Variants in PARP8 observed in about 807,000 individuals in gnomAD.
PARP8 encodes the protein poly(ADP-ribose) polymerase family member 8.
In PARP8, 51 loss-of-function variants were observed where a neutral mutation model predicts 124.1. The observed-to-expected ratio is 0.41, with a 90% CI of 0.33 to 0.52. The LOEUF (loss-of-function observed/expected upper bound fraction) is 0.52, where lower values mean the gene tolerates loss of function less well. PARP8 is among the 20% of genes least tolerant of loss of function. The pLI, the probability that PARP8 is intolerant of heterozygous loss-of-function variation, is 0.21. For synonymous variants in PARP8, 391 were observed against 361.5 expected (o/e 1.08, Z -0.93); for missense variants, 860 against 1,018.9 (o/e 0.84, Z 2.12).
chr5:50,740,470 G>A (rs1757932447), intron 2 of PARP8, among the ~76,000 whole-genome samples: 2 of 152,150 alleles, frequency 1.3e-5, no homozygotes, highest in African/African-American at 4.8e-5. Flanking sequence ...AGCACAGTGA[G>A]GCAAGACAAA....
intron 2 of PARP8, among the ~76,000 whole-genome samples, chr5:50,712,301 A>T (rs1754839639): frequency 6.6e-6 from 1 of 152,138 alleles, no homozygotes; most frequent in African/African-American, 2.4e-5. Context: ...ACTTCTGGGA[A>T]ATCTTCTGTT....
intron 2 of PARP8, among the ~76,000 whole-genome samples, chr5:50,723,508 G>C (rs761112732): frequency 3.9e-5 from 6 of 151,938 alleles, no homozygotes; most frequent in Non-Finnish European, 5.9e-5. Flanking sequence ...TTTTTTGTGT[G>C]TGGTTGATTT....
In PARP8 at chr5:50,795,131, C is replaced by T. The variant is rs771518246; in HGVS notation, c.1142C>T (p.Ser381Leu). Residue 381 changes from serine to leucine, a missense_variant, in exon 12 of 26, where the codon TCG (serine) becomes TTG (leucine). Physicochemically the swap from Ser to Leu is moderately radical, Grantham distance 145. Transcript: ENST00000281631. ...VKSEECLTLK[S>L]HRLLTRSCSG... ...TCAGAGGAATGCCTAACTCTAAAGT[C>T]GCATAGACTATTGACTCGATCTTGT... 8 of 1,614,034 alleles carry T rather than the reference C, an allele frequency of 5.0e-6. No homozygotes were observed. The highest frequency in any genetic ancestry group is 2.2e-5 in the South Asian group (2 of 91,080).
intron 2 of PARP8, among the ~76,000 whole-genome samples, chr5:50,731,804 G>A (rs1757002411): frequency 6.6e-6 from 1 of 152,042 alleles, no homozygotes; most frequent in African/African-American, 2.4e-5. Flanking sequence ...ATTCTTAAAA[G>A]CTCTGAAAAT....
At chr5:50,719,585 C>T (rs765655712) in intron 2 of PARP8, among the ~76,000 whole-genome samples, 1 of 151,978 alleles carries the variant, frequency 6.6e-6, no homozygotes, top group Non-Finnish European at 1.5e-5. Flanking sequence ...AAGAGACTGT[C>T]GTTACCTTAA....
intron 2 of PARP8, among the ~76,000 whole-genome samples, chr5:50,745,607 C>T (rs1475232118): frequency 6.6e-6 from 1 of 152,166 alleles, no homozygotes; most frequent in Non-Finnish European, 1.5e-5. Flanking sequence ...GGCCCTCTAA[C>T]TGGAGGTAGA....
intron 14 of PARP8, among the ~76,000 whole-genome samples, chr5:50,799,247 G>C (rs1281564386): frequency 6.6e-6 from 1 of 152,186 alleles, no homozygotes; most frequent in Non-Finnish European, 1.5e-5. Flanking sequence ...TTTGTATATG[G>C]TGTTAGGTTG....
intron 2 of PARP8, among the ~76,000 whole-genome samples, chr5:50,704,353 T>C (rs1284221343): frequency 1.3e-5 from 2 of 152,036 alleles, no homozygotes; most frequent in East Asian, 3.9e-4. Context: ...AATCAGAAAA[T>C]GTTGTTGATT....
chr5:50,700,398 T>C (rs2149474285), intron 2 of PARP8, among the ~76,000 whole-genome samples: 1 of 152,340 alleles, frequency 6.6e-6, no homozygotes, highest in East Asian at 1.9e-4. Context: ...ATAATAAGTT[T>C]AAAGATAAAA....
chr5:50,745,965 G>A (rs1758495929), intron 2 of PARP8, among the ~76,000 whole-genome samples: 1 of 152,146 alleles, frequency 6.6e-6, no homozygotes, highest in Non-Finnish European at 1.5e-5. Context: ...TCAGGGCCAT[G>A]ATTTCCAAAG....
At chr5:50,703,784 A>C (rs1753836689) in intron 2 of PARP8, among the ~76,000 whole-genome samples, 1 of 151,880 alleles carries the variant, frequency 6.6e-6, no homozygotes, top group Non-Finnish European at 1.5e-5. Context: ...GGTGTTGTGC[A>C]CCTGTGGTCC....
intron 2 of PARP8, among the ~76,000 whole-genome samples, chr5:50,733,644 C>T (rs1345908295): frequency 1.3e-5 from 2 of 152,114 alleles, no homozygotes; most frequent in African/African-American, 4.8e-5. Flanking sequence ...AATAGTTACT[C>T]AGTTATTGAC....
chr5:50,711,541 C>A (rs765556411), intron 2 of PARP8, among the ~76,000 whole-genome samples: 33 of 152,044 alleles, frequency 2.2e-4, no homozygotes, highest in Non-Finnish European at 4.3e-4. Flanking sequence ...TCATGTGGGC[C>A]ACACGGGAAG....
rs1295446744 is a variant in PARP8 at position 50,845,179 on chromosome 5, T to C, written c.*3111T>C. ...GCTAAAAGAAAGAAAATCTATAATATGTAAGTCTATGAATCTTTAAATAAC... is the reference window on the plus strand; with the variant it reads ...GCTAAAAGAAAGAAAATCTATAATACGTAAGTCTATGAATCTTTAAATAAC... On this transcript the variant is annotated 3_prime_UTR_variant, in exon 26 of 26. Coordinates refer to ENST00000281631, the MANE Select transcript of PARP8 (RefSeq NM_024615.4). 6.6e-6 allele frequency: 1 copy of C among 151,732 alleles called. No individual in the cohort carries two copies. Among genetic ancestry groups the C allele is most frequent in the Non-Finnish European group, 1.5e-5 (1 of 67,764 alleles). 9.4% of individuals were successfully genotyped at this position (151,732 alleles called of 1,614,324 possible). A position where few individuals can be genotyped will look rare whatever the true frequency, so the allele number is the denominator to read the frequency against.
At position 50,815,673 on chromosome 5, in the gene PARP8, A is replaced by G. The variant is rs1745021793; in HGVS notation, c.1668+149A>G. On this transcript the variant is annotated intron_variant, in intron 15 of 25. Coordinates refer to ENST00000281631, the MANE Select transcript of PARP8 (RefSeq NM_024615.4). Reference sequence around the variant, plus strand: ...TTGGCATTTGATTTTTTTTATATGTAAACTAAATGTGATCTCTCCATCTAA... The same window carrying G: ...TTGGCATTTGATTTTTTTTATATGTGAACTAAATGTGATCTCTCCATCTAA... 1.3e-5 allele frequency: 7 copies of G among 519,592 alleles called. No individual in the cohort carries two copies. The South Asian group carries it at 1.6e-4, about 12-fold the overall frequency. 32.2% of individuals were successfully genotyped at this position (519,592 alleles called of 1,614,324 possible).
chr5:50,834,450 A>C (rs889019542), intron 24 of PARP8, among the ~76,000 whole-genome samples: 5 of 152,146 alleles, frequency 3.3e-5, no homozygotes, highest in African/African-American at 1.2e-4. Flanking sequence ...CTGCACTGAA[A>C]TTATTATATT....
rs529127905 is a variant in PARP8, at chr5:50,702,229, GT to G, written c.146+34112del. Among the ~76,000 whole-genome samples, 908 of 151,884 alleles carry G rather than the reference GT, an allele frequency of 6.0e-3. 8 individuals are homozygous for G. Among genetic ancestry groups the G allele is most frequent in the African/African-American group, 0.02 (845 of 41,446 alleles). ...ACACTAAGAAAGGACAATAAATTAA[GT>G]TTTTTTTAAAAAAGATAAGTATTAC... On this transcript the variant is annotated intron_variant, in intron 2 of 25. Transcript: ENST00000281631.
At chr5:50,720,810 C>T (rs1239070861) in intron 2 of PARP8, among the ~76,000 whole-genome samples, 2 of 151,958 alleles carry the variant, frequency 1.3e-5, no homozygotes, top group African/African-American at 4.8e-5. Context: ...CTTTGCTCCT[C>T]CTCTTCCCCT....
intron 2 of PARP8, among the ~76,000 whole-genome samples, chr5:50,735,967 C>CCT (rs34470190): frequency 6.1e-5 from 9 of 146,724 alleles, no homozygotes; most frequent in Admixed American, 3.4e-4. Context: ...CCCCCCCCCC[C>CCT]TTTTATTAGT....
Sources: allele counts gnomAD v4.1 joint callset (sites outside exome capture counted in the v4.1 genomes callset), GRCh38; gene constraint gnomAD v4.1.1; transcripts MANE v1.5; gene names NCBI Gene and HGNC (gene_info 2026-07-23, HGNC 2026-07-21).